LHFPL6: variants seen among roughly 807,000 people sequenced by gnomAD.
LHFPL6 encodes LHFPL tetraspan subfamily member 6, also known as LHFPL tetraspan subfamily member 6 protein.
In LHFPL6, 9 loss-of-function variants were observed where a neutral mutation model predicts 20.6. The ratio of observed to expected loss-of-function variants is 0.44; its 90% CI spans 0.26 to 0.76. The LOEUF is 0.76. Ranked by LOEUF, LHFPL6 falls within the 30% of genes least tolerant of loss-of-function variation. The pLI is 0.20. For synonymous variants in LHFPL6, 105 were observed against 98.7 expected (o/e 1.06, Z -0.38); for missense variants, 218 against 253.5 (o/e 0.86, Z 0.95).
At chr13:39,515,012 A>C (rs976207604) in intron 2 of LHFPL6, among the ~76,000 whole-genome samples, 1 of 152,252 alleles carries the variant, frequency 6.6e-6, no homozygotes, top group Non-Finnish European at 1.5e-5. Context: ...AATCAGCCCT[A>C]CACATTCCTT....
intron 2 of LHFPL6, among the ~76,000 whole-genome samples, chr13:39,475,309 C>A (rs188725382): frequency 3.3e-5 from 5 of 151,886 alleles, no homozygotes; most frequent in Admixed American, 2.6e-4. Flanking sequence ...GTACATGATC[C>A]TAATCAGTTT....
At chr13:39,560,429 C>G (rs1020631016) in intron 2 of LHFPL6, among the ~76,000 whole-genome samples, 1 of 151,412 alleles carries the variant, frequency 6.6e-6, no homozygotes, top group African/African-American at 2.4e-5. Context: ...CTCTCAACTA[C>G]AGTCTTACTC....
chr13:39,553,865 C>T (rs1871219573), intron 2 of LHFPL6, among the ~76,000 whole-genome samples: 1 of 152,218 alleles, frequency 6.6e-6, no homozygotes, highest in Non-Finnish European at 1.5e-5. Flanking sequence ...CAGCCACCTG[C>T]CAATTTCCCT....
intron 2 of LHFPL6, among the ~76,000 whole-genome samples, chr13:39,575,941 G>T (rs1872100458): frequency 6.6e-6 from 1 of 152,158 alleles, no homozygotes; most frequent in African/African-American, 2.4e-5. Context: ...CCACAGAGGG[G>T]CCAACATTTA....
At chr13:39,591,066 T>A (rs1593376676) in intron 2 of LHFPL6, among the ~76,000 whole-genome samples, 2 of 152,236 alleles carry the variant, frequency 1.3e-5, no homozygotes, top group South Asian at 4.1e-4. Flanking sequence ...GCATAGCTGC[T>A]AATAAGTCCA....
intron 2 of LHFPL6, among the ~76,000 whole-genome samples, chr13:39,540,441 C>T (rs1870762440): frequency 6.6e-6 from 1 of 152,012 alleles, no homozygotes; most frequent in African/African-American, 2.4e-5. Context: ...CCTCGGGACA[C>T]AATATGTATA....
chr13:39,496,390 C>T (rs1291442544), intron 2 of LHFPL6, among the ~76,000 whole-genome samples: 1 of 152,134 alleles, frequency 6.6e-6, no homozygotes, highest in East Asian at 1.9e-4. Flanking sequence ...AATATCATCA[C>T]CTTCAGAGTA....
intron 3 of LHFPL6, among the ~76,000 whole-genome samples, chr13:39,352,052 A>T (rs564548383): frequency 9.8e-5 from 15 of 152,322 alleles, no homozygotes; most frequent in African/African-American, 3.1e-4. Context: ...CATGGTTTCA[A>T]TTGCTAAAGG....
At chr13:39,592,449 A>C (rs1872636493) in intron 2 of LHFPL6, among the ~76,000 whole-genome samples, 1 of 152,334 alleles carries the variant, frequency 6.6e-6, no homozygotes, top group Admixed American at 6.5e-5. Flanking sequence ...GAATAGACCA[A>C]TAACAGGCTC....
Position 39,343,625 on chromosome 13 carries a change from G to GTA in LHFPL6, c.*310_*311insTA. The GTA allele has an allele frequency of 3.6e-6, 1 of 279,322 alleles. No individual in the cohort carries two copies. The highest frequency in any genetic ancestry group is 6.7e-6 in the Non-Finnish European group (1 of 148,268). 17.3% of individuals were successfully genotyped at this position (279,322 alleles called of 1,614,324 possible). A position where few individuals can be genotyped will look rare whatever the true frequency, so the allele number is the denominator to read the frequency against. ...TTGTTGTGTGTGTGTGTGTGTGTGT[G>GTA]TGTGTGTGTGTGTGTGTGTGTGTGT... On this transcript the variant is annotated 3_prime_UTR_variant, in exon 4 of 4. Transcript: ENST00000379589.
At chr13:39,558,759 C>T (rs1057089874) in intron 2 of LHFPL6, among the ~76,000 whole-genome samples, 2 of 152,184 alleles carry the variant, frequency 1.3e-5, no homozygotes, top group African/African-American at 2.4e-5. Flanking sequence ...CCTACTCTCT[C>T]CCCAGCACCA....
chr13:39,574,898 C>G (rs61956469), intron 2 of LHFPL6, among the ~76,000 whole-genome samples: 1 of 151,914 alleles, frequency 6.6e-6, no homozygotes, highest in Non-Finnish European at 1.5e-5. Flanking sequence ...ATGGTGAAAC[C>G]CTGTCTCTAC....
intron 2 of LHFPL6, among the ~76,000 whole-genome samples, chr13:39,551,082 T>C (rs1455715352): frequency 6.6e-6 from 1 of 152,180 alleles, no homozygotes; most frequent in Non-Finnish European, 1.5e-5. Flanking sequence ...ATTCTTTTGC[T>C]AATAGCAACT....
At chr13:39,379,776 T>A (rs990514673) in intron 2 of LHFPL6, among the ~76,000 whole-genome samples, 1 of 152,120 alleles carries the variant, frequency 6.6e-6, no homozygotes, top group Non-Finnish European at 1.5e-5. Context: ...CCCACACCCA[T>A]CCTGATACAT....
At chr13:39,411,339 T>C (rs1211710353) in intron 2 of LHFPL6, among the ~76,000 whole-genome samples, 1 of 152,210 alleles carries the variant, frequency 6.6e-6, no homozygotes, top group Non-Finnish European at 1.5e-5. Context: ...GCTCAATATA[T>C]GTGGATTTGG....
chr13:39,535,310 C>T (rs910344510), intron 2 of LHFPL6, among the ~76,000 whole-genome samples: 1 of 152,248 alleles, frequency 6.6e-6, no homozygotes, highest in Admixed American at 6.5e-5. Flanking sequence ...CACATCATCA[C>T]ACACAACATT....
Position 39,462,132 on chromosome 13 carries a change from T to C in LHFPL6, c.386-83606A>G, listed in dbSNP as rs533102450. On this transcript the variant is annotated intron_variant, in intron 2 of 3. Coordinates refer to ENST00000379589, the MANE Select transcript of LHFPL6 (RefSeq NM_005780.3). ...CTGAACTACAAATTTTCTAACTCTT[T>C]ATGGACAGAGCAGACACTTGGCAAC... Among the ~76,000 whole-genome samples, 132 of 152,232 alleles carry C rather than the reference T, an allele frequency of 8.7e-4. 1 individual carries two copies. Among genetic ancestry groups the C allele is most frequent in the African/African-American group, 3.1e-3 (128 of 41,542 alleles).
chr13:39,496,052 T>C (rs1869090977), intron 2 of LHFPL6, among the ~76,000 whole-genome samples: 1 of 152,098 alleles, frequency 6.6e-6, no homozygotes, highest in South Asian at 2.1e-4. Context: ...CAATGGTAAC[T>C]CTATGGAAAA....
intron 2 of LHFPL6, among the ~76,000 whole-genome samples, chr13:39,583,170 T>TA: frequency 2.0e-4 from 1 of 4,996 alleles, no homozygotes; most frequent in African/African-American, 6.1e-4. Context: ...TGCCAAATTC[T>TA]TTTTTTTTTT....
Sources: gnomAD v4.1 joint callset for allele counts (sites outside exome capture counted in the v4.1 genomes callset) on GRCh38, gnomAD v4.1.1 for gene constraint, MANE v1.5 for transcripts, NCBI Gene and HGNC (gene_info 2026-07-23, HGNC 2026-07-21) for gene names.